TC2N: variants seen among roughly 807,000 people sequenced by gnomAD.
TC2N encodes the protein tandem C2 domains, nuclear, also known as tandem C2 domains nuclear protein.
In TC2N, 51 loss-of-function variants were observed where a neutral mutation model predicts 61.9. The observed-to-expected ratio is 0.82, with a 90% CI of 0.66 to 1.04. The LOEUF is 1.04. TC2N is among the 50% of genes least tolerant of loss of function. The pLI is 0.00. For missense variants in TC2N, 556 were observed against 566.7 expected (o/e 0.98, Z 0.19); for synonymous variants, 204 against 192.6 (o/e 1.06, Z -0.49).
chr14:91,816,398 A>AT (rs1178787155), intron 1 of TC2N, among the ~76,000 whole-genome samples: 1 of 151,844 alleles, frequency 6.6e-6, no homozygotes, highest in African/African-American at 2.4e-5. Context: ...TTCTTGTCAT[A>AT]TAAGATTAAT....
intron 1 of TC2N, among the ~76,000 whole-genome samples, chr14:91,848,915 T>C (rs1023998415): frequency 6.6e-6 from 1 of 152,212 alleles, no homozygotes; most frequent in Non-Finnish European, 1.5e-5. Context: ...CTGCAAATCC[T>C]GCCTTCCTTT....
chr14:91,788,610 G>A (rs760214311), intron 9 of TC2N, among the ~76,000 whole-genome samples: 1 of 151,616 alleles, frequency 6.6e-6, no homozygotes, highest in Non-Finnish European at 1.5e-5. Flanking sequence ...CCAATAACTG[G>A]CTCATAGCTC....
chr14:91,817,759 T>C (rs973985060), intron 1 of TC2N, among the ~76,000 whole-genome samples: 5 of 152,108 alleles, frequency 3.3e-5, no homozygotes, highest in African/African-American at 1.2e-4. Flanking sequence ...GTCCTCAACA[T>C]TGATGGCCTT....
intron 1 of TC2N, among the ~76,000 whole-genome samples, chr14:91,865,594 T>C (rs977156181): frequency 1.2e-4 from 19 of 152,118 alleles, no homozygotes; most frequent in African/African-American, 4.6e-4. Context: ...TAAAAAAATA[T>C]TGCATTTAAA....
chr14:91,810,372 A>G (rs1886710245), intron 3 of TC2N, among the ~76,000 whole-genome samples: 1 of 152,164 alleles, frequency 6.6e-6, no homozygotes, highest in African/African-American at 2.4e-5. Flanking sequence ...GGAAGGAGGA[A>G]GGGAGGGATG....
chr14:91,783,079 C>A lies in TC2N; in HGVS notation c.*21G>T. 1.4e-6 allele frequency: 2 copies of A among 1,439,026 alleles called. No individual in the cohort carries two copies. The highest frequency in any genetic ancestry group is 1.2e-5 in the South Asian group (1 of 85,346). The allele number at this position is 1,439,026 out of a possible 1,614,324, so 89.1% of individuals were successfully genotyped here. ...TTCTAAAAGAATGTCAAGTTCTTCA[C>A]CAAATTAATGTGTGAAGTCTTCAAG... On this transcript the variant is annotated 3_prime_UTR_variant, in exon 12 of 12. Transcript: ENST00000435962.
At position 91,838,074 on chromosome 14, in the gene TC2N, A is replaced by T. The variant is rs574277695; in HGVS notation, c.-56-24249T>A. ...TAGTGGTTGCCCAAACATACAGTCA[A>T]GATTTGAATCTGAACTTTGAACTCC... On this transcript the variant is annotated intron_variant, in intron 1 of 11. Transcript: ENST00000435962. Among the ~76,000 whole-genome samples, 582 of 152,158 alleles carry T rather than the reference A, an allele frequency of 3.8e-3. 6 individuals are homozygous for T. The highest frequency in any genetic ancestry group is 0.013 in the African/African-American group (550 of 41,488).
chr14:91,800,264 T>G lies in TC2N; in HGVS notation c.561+17A>C. 6.7e-7 allele frequency: 1 copy of G among 1,485,842 alleles called. No homozygotes were observed. Among genetic ancestry groups the G allele is most frequent in the Non-Finnish European group, 9.2e-7 (1 of 1,081,192 alleles). 92.0% of individuals were successfully genotyped at this position (1,485,842 alleles called of 1,614,324 possible). A position where few individuals can be genotyped will look rare whatever the true frequency, so the allele number is the denominator to read the frequency against. On this transcript the variant is annotated intron_variant, in intron 5 of 11. Coordinates refer to ENST00000435962, the MANE Select transcript of TC2N (RefSeq NM_001128596.3). ...AGGAAATTATCACATATAATTAAAT[T>G]TATGTAGATAATTCACCTGGATGAA...
At chr14:91,842,930 A>G (rs772022855) in intron 1 of TC2N, among the ~76,000 whole-genome samples, 8 of 152,122 alleles carry the variant, frequency 5.3e-5, no homozygotes, top group Non-Finnish European at 1.2e-4. Flanking sequence ...AGTTCCTTCC[A>G]CTGAAGGAGT....
intron 3 of TC2N, among the ~76,000 whole-genome samples, chr14:91,806,829 A>G (rs550481560): frequency 2.3e-4 from 35 of 152,356 alleles, no homozygotes; most frequent in African/African-American, 8.2e-4. Flanking sequence ...AATCATCAAG[A>G]CAATGGGAAA....
intron 1 of TC2N, among the ~76,000 whole-genome samples, chr14:91,831,958 A>T (rs1887789328): frequency 6.6e-6 from 1 of 152,236 alleles, no homozygotes; most frequent in Non-Finnish European, 1.5e-5. Flanking sequence ...ATTCAACTAT[A>T]TATAAAACGT....
intron 11 of TC2N, among the ~76,000 whole-genome samples, chr14:91,784,310 T>C (rs948013889): frequency 1.3e-5 from 2 of 152,148 alleles, no homozygotes; most frequent in Admixed American, 6.5e-5. Flanking sequence ...ATTATGCTGG[T>C]TATATGAATT....
intron 9 of TC2N, 98 bp from the exon 10 acceptor site, chr14:91,787,725 G>A (rs1885436342): frequency 3.0e-6 from 2 of 656,642 alleles, no homozygotes; most frequent in Admixed American, 6.1e-5. Flanking sequence ...AATTTTGAAA[G>A]TATTCCTTTC....
chr14:91,795,846 A>G (rs4243691), intron 8 of TC2N, among the ~76,000 whole-genome samples: 125,086 of 151,940 alleles, frequency 0.82, 55,482 homozygotes, highest in Non-Finnish European at 0.97. Context: ...TGTCTTTCTG[A>G]GGGTCTCACA....
Position 91,837,296 on chromosome 14 carries a change from G to C in TC2N, c.-56-23471C>G, listed in dbSNP as rs1250602571. ...AGCGGTGCGCCCGTGGCTCAGTGCA[G>C]CCTCGACCTTCGGGGCTGAAGTGAT... is the stretch of plus-strand genomic sequence containing the variant. On this transcript the variant is annotated intron_variant, in intron 1 of 11. Transcript: ENST00000435962. The surrounding 1 kb of genome is among the most constrained non-coding windows in gnomAD (Gnocchi z 4.2). 6.6e-6 allele frequency among the ~76,000 whole-genome samples: 1 copy of C among 152,240 alleles called. No individual in the cohort carries two copies. The highest frequency in any genetic ancestry group is 2.4e-5 in the African/African-American group (1 of 41,458).
chr14:91,828,143 G>T (rs1887583004), intron 1 of TC2N, among the ~76,000 whole-genome samples: 1 of 152,060 alleles, frequency 6.6e-6, no homozygotes, highest in African/African-American at 2.4e-5. Context: ...GTGAAGGTAT[G>T]TTGGTAGAAA....
chr14:91,792,577 A>C lies in TC2N; in HGVS notation c.856-19T>G, dbSNP rs553595787. The stretch of plus-strand genomic sequence containing the variant: ...CAATAGCCTTAAAAAAAAAACAAGA[A>C]AACATAAAATATATAAATAAAAGGC... On this transcript the variant is annotated intron_variant, in intron 8 of 11. Transcript: ENST00000435962. 7.6e-7 allele frequency: 1 copy of C among 1,309,004 alleles called. No homozygotes were observed. The highest frequency in any genetic ancestry group is 2.4e-5 in the East Asian group (1 of 41,650). The allele number at this position is 1,309,004 out of a possible 1,614,324, so 81.1% of individuals were successfully genotyped here.
At position 91,797,768 on chromosome 14, in the gene TC2N, T is replaced by C; in HGVS notation, c.855+17A>G. The stretch of plus-strand genomic sequence containing the variant: ...AAAAAAAACAGAAAAGAAATTCAAA[T>C]ACAAACAGCCACTTACGTTGGAACC... On this transcript the variant is annotated intron_variant, in intron 8 of 11. Coordinates refer to ENST00000435962, the MANE Select transcript of TC2N (RefSeq NM_001128596.3). 1 of 1,410,206 alleles carries C rather than the reference T, an allele frequency of 7.1e-7. No individual in the cohort carries two copies. Among genetic ancestry groups the C allele is most frequent in the Non-Finnish European group, 9.8e-7 (1 of 1,016,476 alleles). The allele number at this position is 1,410,206 out of a possible 1,614,324, so 87.4% of individuals were successfully genotyped here.
At chr14:91,828,821 G>T (rs1887617199) in intron 1 of TC2N, among the ~76,000 whole-genome samples, 1 of 151,762 alleles carries the variant, frequency 6.6e-6, no homozygotes, top group Non-Finnish European at 1.5e-5. Flanking sequence ...TTTATTTTTA[G>T]TAAGACTACT....
Sources: allele counts gnomAD v4.1 joint callset (sites outside exome capture counted in the v4.1 genomes callset), GRCh38; gene constraint gnomAD v4.1.1; non-coding constraint Gnocchi (gnomAD v3.1); transcripts MANE v1.5; gene names NCBI Gene and HGNC (gene_info 2026-07-23, HGNC 2026-07-21).